The following RARS2 variants were observed in gnomAD, a reference collection of about 807,000 sequenced individuals.
The protein encoded by RARS2 is probable arginine--tRNA ligase, mitochondrial.
A neutral mutation model predicts 88.5 loss-of-function variants in RARS2; 67 were observed. The ratio of observed to expected loss-of-function variants is 0.76; its 90% CI spans 0.62 to 0.93. The LOEUF is 0.93. Ranked by LOEUF, RARS2 falls within the 40% of genes least tolerant of loss-of-function variation. RARS2 has a pLI of 0.00. For missense variants in RARS2, 664 were observed against 684.2 expected (o/e 0.97, Z 0.33); for synonymous variants, 239 against 230.3 (o/e 1.04, Z -0.34).
intron 10 of RARS2, among the ~76,000 whole-genome samples, 170 bp downstream of exon 10, chr6:87,529,372 G>A (rs1430532035): frequency 6.6e-6 from 1 of 152,100 alleles, no homozygotes; most frequent in Non-Finnish European, 1.5e-5. Flanking sequence ...AACAGCTTTT[G>A]CTATGGAAGC....
At chr6:87,562,457 A>G (rs764088703) in intron 4 of RARS2, among the ~76,000 whole-genome samples, 3 of 152,240 alleles carry the variant, frequency 2.0e-5, no homozygotes, top group Non-Finnish European at 4.4e-5. Context: ...ATTATGTGGT[A>G]TATGACTATA....
intron 3 of RARS2, among the ~76,000 whole-genome samples, 194 bp downstream of exon 3, chr6:87,563,936 G>A (rs1303918834): frequency 1.3e-5 from 2 of 152,146 alleles, no homozygotes; most frequent in Admixed American, 1.3e-4. Context: ...AGCTCAAGAG[G>A]AGTGCTTTAT....
At chr6:87,520,285 A>G (rs777015132) in intron 12 of RARS2, 29 bp from the exon 13 acceptor site, 4 of 1,487,622 alleles carry the variant, frequency 2.7e-6, no homozygotes, top group Non-Finnish European at 3.7e-6. Flanking sequence ...ATAAAATAAA[A>G]GAATACTGAC....
At chr6:87,563,978 G>A in intron 3 of RARS2, 152 bp downstream of exon 3, 1 of 682,374 alleles carries the variant, frequency 1.5e-6, no homozygotes, top group East Asian at 2.7e-5. Flanking sequence ...TAACCTTATA[G>A]TACATGGCTA....
At chr6:87,523,248 G>A (rs149150461) in intron 11 of RARS2, among the ~76,000 whole-genome samples, 4 of 152,142 alleles carry the variant, frequency 2.6e-5, no homozygotes, top group East Asian at 3.9e-4. Context: ...GCCAGAAGAC[G>A]TGCTAGGTCA....
rs1359188497 is a variant in RARS2, at chr6:87,555,441, C to A, written c.362G>T (p.Gly121Val). The part of the protein sequence containing the change: ...KYGLKSELFS[G>V]LPQKKIVVEF... Reference sequence around the variant, plus strand: ...AACCACAATCTTCTTCTGGGGAAGTCCAGAGAAAAGTTCACTTTTTAATCC... The same window carrying A: ...AACCACAATCTTCTTCTGGGGAAGTACAGAGAAAAGTTCACTTTTTAATCC... The change falls in exon 5 of 20, where the codon GGA becomes GTA. Residue 121 changes from glycine (G) to valine (V), a missense_variant. By Grantham distance (109) the Gly-to-Val change is moderately radical (BLOSUM62 -3). Transcript: ENST00000369536. The A allele has an allele frequency of 6.2e-7, 1 of 1,613,902 alleles. No homozygotes were observed.
At chr6:87,515,964 A>G (rs1001424819) in intron 18 of RARS2, 3 of 151,998 alleles carry the variant, frequency 2.0e-5, no homozygotes, top group African/African-American at 4.8e-5. Context: ...AAAAGAAAAA[A>G]AAAAAAAAAA....
Position 87,514,419 on chromosome 6 carries a change from C to G in RARS2, c.1731G>C (p.Arg577Ser), listed in dbSNP as rs1450117881. ...MKLLGITPVC[R>S]M is the part of the protein sequence containing the mutation. Reference sequence around the variant, plus strand: ...AAAGCCATTTTAATGGAAATTACATCCTACATACAGGTGTTATTCCAAGAA... The same window carrying G: ...AAAGCCATTTTAATGGAAATTACATGCTACATACAGGTGTTATTCCAAGAA... The change falls in exon 20 of 20, where the codon AGG becomes AGC. Residue 577 changes from arginine (R) to serine (S), a missense_variant. Arg to Ser is a moderately radical substitution (Grantham distance 110). Coordinates refer to ENST00000369536, the MANE Select transcript of RARS2 (RefSeq NM_020320.5). 1 of 1,600,614 alleles carries G rather than the reference C, an allele frequency of 6.2e-7. No homozygotes were observed. The highest frequency in any genetic ancestry group is 8.6e-7 in the Non-Finnish European group (1 of 1,168,090).
chr6:87,587,524 G>C (rs1333711490), intron 1 of RARS2, among the ~76,000 whole-genome samples: 2 of 152,084 alleles, frequency 1.3e-5, no homozygotes, highest in Non-Finnish European at 2.9e-5. Flanking sequence ...TGTGCTTCTT[G>C]CTTTCACAAA....
intron 2 of RARS2, among the ~76,000 whole-genome samples, chr6:87,565,835 C>T (rs557536104): frequency 6.6e-6 from 1 of 152,274 alleles, no homozygotes; most frequent in Non-Finnish European, 1.5e-5. Flanking sequence ...CCATCTGTCA[C>T]TGGAATGAAA....
At chr6:87,525,258 G>A (rs976014169) in intron 10 of RARS2, among the ~76,000 whole-genome samples, 3 of 152,150 alleles carry the variant, frequency 2.0e-5, no homozygotes, top group Admixed American at 6.5e-5. Flanking sequence ...ATAGAGGTCT[G>A]GGCTTCTTTC....
rs1770857030 is a variant in RARS2 at position 87,514,433 on chromosome 6, TTA to T, written c.1715_1716del (p.Ile572AsnfsTer5). ...GGAAATTACATCCTACATACAGGTGTTATTCCAAGAAGTTTCATTCCATTGGC... is the reference window on the plus strand; with the variant it reads ...GGAAATTACATCCTACATACAGGTGTTTCCAAGAAGTTTCATTCCATTGGC... ...VLANGMKLLGITPVCRM is the reference protein window; with the variant it reads ...VLANGMKLLGXTPVCRM On this transcript the variant is annotated frameshift_variant, in exon 20 of 20. Transcript: ENST00000369536. LOFTEE classifies it high-confidence loss of function. 1.2e-6 allele frequency: 2 copies of T among 1,609,760 alleles called. No individual in the cohort carries two copies. Among genetic ancestry groups the T allele is most frequent in the African/African-American group, 1.3e-5 (1 of 74,806 alleles).
At chr6:87,520,322 C>T in intron 12 of RARS2, 66 bp from the exon 13 acceptor site, 1 of 1,286,890 alleles carries the variant, frequency 7.8e-7, no homozygotes, top group South Asian at 1.2e-5. Flanking sequence ...ATAGGTTGGA[C>T]TTGAATCAAA....
At chr6:87,518,298 G>A (rs1202541079) in intron 16 of RARS2, 34 bp from the exon 17 acceptor site, 1 of 1,613,744 alleles carries the variant, frequency 6.2e-7, no homozygotes, top group East Asian at 2.2e-5. Context: ...AACATCAAAA[G>A]ATTAAAAAGT....
chr6:87,545,549 CCAGAT>C lies in RARS2; in HGVS notation c.535+62_535+66del, dbSNP rs1782363410. ...CAATGGGATTCTGCCTATATTCTGT[CCAGAT>C]CAAAGTTTTTACAAATTGAATTTTA... On this transcript the variant is annotated intron_variant, in intron 7 of 19. Transcript: ENST00000369536. 7 of 1,604,080 alleles carry C rather than the reference CCAGAT, an allele frequency of 4.4e-6. No homozygotes were observed. In the East Asian group the frequency reaches 1.6e-4, roughly 36 times the overall value.
At chr6:87,577,520 C>T (rs1304050287) in intron 1 of RARS2, among the ~76,000 whole-genome samples, 2 of 152,096 alleles carry the variant, frequency 1.3e-5, no homozygotes, top group Non-Finnish European at 2.9e-5. Flanking sequence ...TGGTAATTTT[C>T]TAAAGATTAA....
intron 5 of RARS2, among the ~76,000 whole-genome samples, chr6:87,554,748 G>A (rs1785291358): frequency 6.6e-6 from 1 of 151,990 alleles, no homozygotes; most frequent in Non-Finnish European, 1.5e-5. Flanking sequence ...CACCATGTCT[G>A]GCCACTTTAA....
At chr6:87,567,929 G>A (rs1194048859) in intron 2 of RARS2, among the ~76,000 whole-genome samples, 1 of 152,150 alleles carries the variant, frequency 6.6e-6, no homozygotes, top group Non-Finnish European at 1.5e-5. Context: ...ATGCCACCAT[G>A]CCTGGCTAAT....
In RARS2 at chr6:87,514,311, CAAA is replaced by C. The variant is rs5878032; in HGVS notation, c.*99_*101del. The C allele has an allele frequency of 3.0e-3, 1,702 of 571,850 alleles. No individual in the cohort carries two copies. Among genetic ancestry groups the C allele is most frequent in the African/African-American group, 8.9e-3 (349 of 39,300 alleles). 35.4% of individuals were successfully genotyped at this position (571,850 alleles called of 1,614,324 possible). ...GGGCAACAAGAGCGAAACTCCATCT[CAAA>C]AAAAAAAAAAAAAAATTTAAATTTA... On this transcript the variant is annotated 3_prime_UTR_variant, in exon 20 of 20. Coordinates refer to ENST00000369536, the MANE Select transcript of RARS2 (RefSeq NM_020320.5).
Sources: allele counts gnomAD v4.1 joint callset (sites outside exome capture counted in the v4.1 genomes callset), GRCh38; gene constraint gnomAD v4.1.1; transcripts MANE v1.5; gene names NCBI Gene and HGNC (gene_info 2026-07-23, HGNC 2026-07-21).